Variants in TICRR observed in about 807,000 individuals in gnomAD.
The protein encoded by TICRR is TOPBP1 interacting checkpoint and replication regulator.
A neutral mutation model predicts 178.1 loss-of-function variants in TICRR; 132 were observed. That is an observed-to-expected ratio of 0.74 (90% confidence interval 0.64 to 0.86). TICRR has a LOEUF of 0.86. TICRR is among the 40% of genes least tolerant of loss of function. The probability of loss-of-function intolerance (pLI) is 0.00; values close to 1 mark genes in which losing one functional copy is unlikely to be tolerated. For missense variants in TICRR, 2,587 were observed against 2,334.3 expected, an observed-to-expected ratio of 1.11 and a Z score of -2.23; for synonymous variants, 991 against 900.7, an observed-to-expected ratio of 1.10 and a Z score of -1.79.
chr15:89,601,126 A>T (rs1047218611), intron 9 of TICRR, among the ~76,000 whole-genome samples, 172 bp from the exon 10 acceptor site: 7 of 151,468 alleles, frequency 4.6e-5, no homozygotes, highest in African/African-American at 1.7e-4. Flanking sequence ...ATGTTATAAT[A>T]TGCAGCTTGA....
chr15:89,582,740 C>A lies in TICRR; in HGVS notation c.709C>A (p.His237Asn), dbSNP rs779928202. ...CTGGACTGTTTGTGAACTGCTCCAC[C>A]ACGGAGGTGGCACTGTCTTGCCATC... is the stretch of plus-strand genomic sequence containing the variant. ...GYWTVCELLH[H>N]GGGTVLPSES... The change falls in exon 2 of 22, where the codon CAC becomes AAC. Residue 237 changes from histidine to asparagine, a missense_variant. Transcript: ENST00000268138. 1.2e-6 allele frequency: 2 copies of A among 1,614,066 alleles called. No individual in the cohort carries two copies.
At position 89,618,207 on chromosome 15, in the gene TICRR, G is replaced by A. The variant is rs1181667454; in HGVS notation, c.3016G>A (p.Asp1006Asn). Residue 1006 changes from aspartate (D) to asparagine (N), a missense_variant, in exon 17 of 22, where the codon GAT becomes AAT. By Grantham distance (23) the Asp-to-Asn change is conservative. Coordinates refer to ENST00000268138, the MANE Select transcript of TICRR (RefSeq NM_152259.4). ...GVVEESPEKG[D>N]EISLRRSPRI... ...TGTTGAAGAGTCCCCTGAAAAAGGA[G>A]ATGGTGAGTGTTATCTCTTTTTGTT... 2 of 1,613,962 alleles carry A rather than the reference G, an allele frequency of 1.2e-6. No homozygotes were observed. Among genetic ancestry groups the A allele is most frequent in the African/African-American group, 2.7e-5 (2 of 74,928 alleles).
At chr15:89,588,938 AG>A (rs1430511953) in intron 4 of TICRR, among the ~76,000 whole-genome samples, 4 of 152,132 alleles carry the variant, frequency 2.6e-5, no homozygotes, top group Non-Finnish European at 4.4e-5. Flanking sequence ...GATCTGGAAG[AG>A]GCAAGGAGGA....
intron 9 of TICRR, among the ~76,000 whole-genome samples, chr15:89,601,048 G>GAAA (rs71151515): frequency 0.033 from 2,413 of 73,742 alleles, 78 homozygotes; most frequent in African/African-American, 0.058. Context: ...CCTGTCTCAG[G>GAAA]AAAAAAAAAA....
Position 89,624,420 on chromosome 15 carries a change from G to A in TICRR, c.4110G>A (p.Leu1370=). Reference sequence around the variant, plus strand: ...CTGAACTCTCACAGAGAGCTACATTGGACACCGTCCCTCCTCCACCCCCTT... The same window carrying A: ...CTGAACTCTCACAGAGAGCTACATTAGACACCGTCCCTCCTCCACCCCCTT... ...TPPELSQRAT[L]DTVPPPPPSK... is the part of the protein sequence containing the mutation. Residue 1370 remains leucine (L), a synonymous_variant, in exon 20 of 22, where the codon TTG becomes TTA. Coordinates refer to ENST00000268138, the MANE Select transcript of TICRR (RefSeq NM_152259.4). The A allele has an allele frequency of 6.2e-7, 1 of 1,614,160 alleles. No homozygotes were observed. Among genetic ancestry groups the A allele is most frequent in the South Asian group, 1.1e-5 (1 of 91,076 alleles).
In TICRR at chr15:89,619,798, C is replaced by T. The variant is rs759880434; in HGVS notation, c.3110C>T (p.Ser1037Phe). 1.3e-5 allele frequency: 21 copies of T among 1,613,914 alleles called. No individual in the cohort carries two copies. The South Asian group carries it at 1.8e-4, about 14-fold the overall frequency. ...ASFYSVSQPK[S>F]RSVQRVHSFQ... is the part of the protein sequence containing the mutation. The stretch of plus-strand genomic sequence containing the variant: ...TTCTATTCTGTGTCTCAGCCGAAGT[C>T]TCGAAGTGTGCAAAGAGTCCACTCT... The change falls in exon 18 of 22, where the codon TCT (serine) becomes TTT (phenylalanine). Residue 1037 changes from serine to phenylalanine, a missense_variant. By Grantham distance (155) the Ser-to-Phe change is radical. Coordinates refer to ENST00000268138, the MANE Select transcript of TICRR (RefSeq NM_152259.4).
At chr15:89,576,813 GTGTGTGTGTATA>G (rs1450806886) in intron 1 of TICRR, among the ~76,000 whole-genome samples, 9 of 8,876 alleles carry the variant, frequency 1.0e-3, no homozygotes, top group African/African-American at 1.9e-3. Flanking sequence ...GTGTGTGTAT[GTGTGTGTGTATA>G]TATATATATA....
Position 89,625,282 on chromosome 15 carries a change from T to C in TICRR, c.4972T>C (p.Ser1658Pro), listed in dbSNP as rs1164480286. The C allele has an allele frequency of 6.2e-7, 1 of 1,612,978 alleles. No homozygotes were observed. Among genetic ancestry groups the C allele is most frequent in the African/African-American group, 1.3e-5 (1 of 74,542 alleles). ...CACCCACGGCCCTTCTAGTACCCCC[T>C]CTCCATTTCAAACAGATGGGGTTCC... Reference protein sequence around the residue: ...TPTHGPSSTPSPFQTDGVPWT... With the variant: ...TPTHGPSSTPPPFQTDGVPWT... Residue 1658 changes from serine (S) to proline (P), a missense_variant, in exon 20 of 22, where the codon TCT becomes CCT. Ser to Pro is a moderately conservative substitution (Grantham distance 74, BLOSUM62 -1). Transcript: ENST00000268138.
At chr15:89,607,458 A>G (rs1229943470) in intron 14 of TICRR, among the ~76,000 whole-genome samples, 1 of 152,126 alleles carries the variant, frequency 6.6e-6, no homozygotes, top group East Asian at 1.9e-4. Context: ...TGATGGGCGT[A>G]TGTTTAATTT....
intron 13 of TICRR, among the ~76,000 whole-genome samples, chr15:89,603,977 G>A (rs1340745391): frequency 6.6e-6 from 1 of 152,006 alleles, no homozygotes; most frequent in Non-Finnish European, 1.5e-5. Context: ...CAGATAATGG[G>A]GTACTATTGT....
At position 89,596,553 on chromosome 15, in the gene TICRR, G is replaced by C. The variant is rs551558692; in HGVS notation, c.1900+942G>C. On this transcript the variant is annotated intron_variant, in intron 7 of 21. Coordinates refer to ENST00000268138, the MANE Select transcript of TICRR (RefSeq NM_152259.4). The stretch of plus-strand genomic sequence containing the variant: ...GTAGAGACAGGGTTTTATCATATTG[G>C]TCAGGCTGGTTTCGAACTCCTAACC... 2.4e-3 allele frequency among the ~76,000 whole-genome samples: 369 copies of C among 152,180 alleles called. 3 individuals are homozygous for C. The highest frequency in any genetic ancestry group is 4.5e-3 in the Non-Finnish European group (306 of 67,996).
At chr15:89,622,999 G>A (rs1280221562) in intron 19 of TICRR, among the ~76,000 whole-genome samples, 2 of 152,230 alleles carry the variant, frequency 1.3e-5, no homozygotes, top group African/African-American at 4.8e-5. Context: ...TAGACTGAGA[G>A]TCCCCTGACG....
At chr15:89,609,062 T>C in intron 15 of TICRR, 113 bp downstream of exon 15, 1 of 947,548 alleles carries the variant, frequency 1.1e-6, no homozygotes, top group Non-Finnish European at 1.5e-6. Context: ...CCCTCTTTTT[T>C]CCTTCAGTCT....
rs762312318 is a variant in TICRR, at chr15:89,626,977, C to T, written c.5624C>T (p.Pro1875Leu). 3.1e-6 allele frequency: 5 copies of T among 1,613,942 alleles called. No individual in the cohort carries two copies. The highest frequency in any genetic ancestry group is 1.1e-5 in the South Asian group (1 of 91,070). ...DPRDEDVDVL[P>L]STVEDSPFSR... Reference sequence around the variant, plus strand: ...CTAGATGAGGATGTGGATGTTCTTCCCTCCACTGTAGAAGACTCTCCTTTC... The same window carrying T: ...CTAGATGAGGATGTGGATGTTCTTCTCTCCACTGTAGAAGACTCTCCTTTC... Residue 1875 changes from proline to leucine, a missense_variant, in exon 22 of 22, where the codon CCC (proline) becomes CTC (leucine). Physicochemically the swap from Pro to Leu is moderately conservative, Grantham distance 98. Coordinates refer to ENST00000268138, the MANE Select transcript of TICRR (RefSeq NM_152259.4).
At chr15:89,601,595 T>C (rs976585037) in intron 11 of TICRR, 27 bp downstream of exon 11, 2 of 1,612,458 alleles carry the variant, frequency 1.2e-6, no homozygotes, top group Admixed American at 3.3e-5. Context: ...CTAACTTAAC[T>C]TTAAAATTGT....
intron 1 of TICRR, among the ~76,000 whole-genome samples, chr15:89,579,220 TATAGTCTAGTGGACATTTAC>T (rs1431205562): frequency 6.6e-6 from 1 of 152,190 alleles, no homozygotes; most frequent in Non-Finnish European, 1.5e-5. Flanking sequence ...TCTTGGAGCT[TATAGTCTAGTGGACATTTAC>T]AGATCCCCAA....
rs142754258 is a variant in TICRR, at chr15:89,624,754, G to A, written c.4444G>A (p.Val1482Ile). 13 of 1,614,166 alleles carry A rather than the reference G, an allele frequency of 8.1e-6. No individual in the cohort carries two copies. Among genetic ancestry groups the A allele is most frequent in the Middle Eastern group, 1.6e-4 (1 of 6,062 alleles). Residue 1482 changes from valine (V) to isoleucine (I), a missense_variant, in exon 20 of 22, where the codon GTC (valine) becomes ATC (isoleucine). Physicochemically the swap from Val to Ile is conservative, Grantham distance 29. Coordinates refer to ENST00000268138, the MANE Select transcript of TICRR (RefSeq NM_152259.4). ...TGGCATTGGTGACTTGAAAAGTAAC[G>A]TCTTATCAGTGGAAGAGGGTGAGGG... Reference protein sequence around the residue: ...HHGIGDLKSNVLSVEEGEGLR... With the variant: ...HHGIGDLKSNILSVEEGEGLR...
intron 4 of TICRR, among the ~76,000 whole-genome samples, chr15:89,589,533 G>C (rs906729290): frequency 7.9e-5 from 12 of 152,136 alleles, no homozygotes; most frequent in African/African-American, 2.7e-4. Context: ...CCATGCAGAG[G>C]GAGGCTTGAG....
At chr15:89,578,734 C>T (rs139950422) in intron 1 of TICRR, among the ~76,000 whole-genome samples, 14 of 151,732 alleles carry the variant, frequency 9.2e-5, no homozygotes, top group African/African-American at 1.5e-4. Flanking sequence ...TCTGATGTAC[C>T]GTCGACTGAG....
Sources: gnomAD v4.1 joint callset for allele counts (sites outside exome capture counted in the v4.1 genomes callset) on GRCh38, gnomAD v4.1.1 for gene constraint, MANE v1.5 for transcripts, NCBI Gene and HGNC (gene_info 2026-07-23, HGNC 2026-07-21) for gene names.